Variants in LRP2 observed in about 807,000 individuals in gnomAD.
LRP2 encodes the protein LDL receptor related protein 2.
A neutral mutation model predicts 531.0 loss-of-function variants in LRP2; 172 were observed. The observed-to-expected ratio is 0.32, with a 90% confidence interval of 0.29 to 0.37. The LOEUF is 0.37. Ranked by LOEUF, LRP2 falls within the 10% of genes least tolerant of loss-of-function variation. The pLI is 1.00. For synonymous variants in LRP2, 1,992 were observed against 2,027.6 expected (o/e 0.98, Z 0.47); for missense variants, 5,167 against 5,868.3 (o/e 0.88, Z 3.90).
intron 51 of LRP2, 34 bp from the exon 52 acceptor site, chr2:169,181,652 T>C (rs2105294831): frequency 6.2e-7 from 1 of 1,604,326 alleles, no homozygotes; most frequent in Non-Finnish European, 8.5e-7. Flanking sequence ...CAGTCCCTGA[T>C]GCCAAAAGAA....
chr2:169,170,531 G>A lies in LRP2; in HGVS notation c.11380+20C>T, dbSNP rs1686956907. 2.5e-6 allele frequency: 4 copies of A among 1,580,856 alleles called. No homozygotes were observed. Among genetic ancestry groups the A allele is most frequent in the Non-Finnish European group, 3.5e-6 (4 of 1,149,784 alleles). Reference sequence around the variant, plus strand: ...GTCACAGTACAAAATTCTATGGTAAGCTTCTCAAATGACAGTTACCACAGT... The same window carrying A: ...GTCACAGTACAAAATTCTATGGTAAACTTCTCAAATGACAGTTACCACAGT... On this transcript the variant is annotated intron_variant, in intron 59 of 78. Coordinates refer to ENST00000649046, the MANE Select transcript of LRP2 (RefSeq NM_004525.3).
chr2:169,144,898 A>C (rs1685853249), intron 70 of LRP2, among the ~76,000 whole-genome samples: 1 of 152,186 alleles, frequency 6.6e-6, no homozygotes. Flanking sequence ...CATACTGAAC[A>C]CTGGGCCAAT....
rs1417729994 is a variant in LRP2, at chr2:169,154,503, G to A, written c.12252C>T (p.Ile4084=). 7.4e-6 allele frequency: 12 copies of A among 1,612,578 alleles called. No homozygotes were observed. The highest frequency in any genetic ancestry group is 1.7e-5 in the Admixed American group (1 of 59,942). Residue 4084 remains isoleucine, a synonymous_variant, in exon 66 of 79, where the codon ATC becomes ATT. Transcript: ENST00000649046. The stretch of plus-strand genomic sequence containing the variant: ...GATCCCAATCATAATCAACAGCTTG[G>A]ATATATTCCTCATCTTGAAGATACT... ...FSEYLQDEEY[I]QAVDYDWDPK... is the part of the protein sequence containing the mutation.
intron 1 of LRP2, among the ~76,000 whole-genome samples, chr2:169,334,295 C>A (rs1262054443): frequency 1.3e-5 from 2 of 152,094 alleles, no homozygotes; most frequent in Non-Finnish European, 2.9e-5. Context: ...ACAATAAAAT[C>A]TCTACTAACT....
At chr2:169,319,782 A>T (rs76119507) in intron 2 of LRP2, among the ~76,000 whole-genome samples, 1,784 of 152,304 alleles carry the variant, frequency 0.012, 43 homozygotes, top group African/African-American at 0.041. Flanking sequence ...ACCTCAAAAT[A>T]TGGAATCTAA....
At chr2:169,360,623 G>A (rs1296288878) in intron 1 of LRP2, among the ~76,000 whole-genome samples, 1 of 152,124 alleles carries the variant, frequency 6.6e-6, no homozygotes, top group Admixed American at 6.5e-5. Context: ...AAATCCTATA[G>A]CTATATTTAG....
At position 169,202,616 on chromosome 2, in the gene LRP2, T is replaced by C. The variant is rs544257334; in HGVS notation, c.8209+140A>G. On this transcript the variant is annotated intron_variant, in intron 43 of 78. Coordinates refer to ENST00000649046, the MANE Select transcript of LRP2 (RefSeq NM_004525.3). The stretch of plus-strand genomic sequence containing the variant: ...GATTTAACAGAAACAGTCTGGATTA[T>C]CAGAGGAAACATTTTTCAGCTCTAC... 6.8e-5 allele frequency: 56 copies of C among 828,372 alleles called. No individual in the cohort carries two copies. The African/African-American group carries it at 8.7e-4, about 13-fold the overall frequency. 51.3% of individuals were successfully genotyped at this position (828,372 alleles called of 1,614,324 possible).
Position 169,206,195 on chromosome 2 carries a change from A to G in LRP2, c.7391-7T>C. ...CCATCAGCAGTCCCTATACCTGGAC[A>G]CATACAGGCAGACACACACACAAGC... is the stretch of plus-strand genomic sequence containing the variant. On this transcript the variant is annotated splice_polypyrimidine_tract_variant and splice_region_variant and intron_variant, in intron 39 of 78. Transcript: ENST00000649046. The G allele has an allele frequency of 1.2e-6, 2 of 1,614,202 alleles. No individual in the cohort carries two copies. The highest frequency in any genetic ancestry group is 4.5e-5 in the East Asian group (2 of 44,878).
In LRP2 at chr2:169,206,156, A is replaced by T; in HGVS notation, c.7423T>A (p.Trp2475Arg). 6.2e-7 allele frequency: 1 copy of T among 1,614,260 alleles called. No individual in the cohort carries two copies. Among genetic ancestry groups the T allele is most frequent in the Non-Finnish European group, 8.5e-7 (1 of 1,180,046 alleles). Residue 2475 changes from tryptophan to arginine, a missense_variant, in exon 40 of 79, where the codon TGG (tryptophan) becomes AGG (arginine). This residue lies in a region of LRP2 where 1,129 missense variants were observed against 1,362.7 expected (regional missense o/e 0.83). Coordinates refer to ENST00000649046, the MANE Select transcript of LRP2 (RefSeq NM_004525.3). ...IGTADGIAFDWITRRIYYSDY... is the reference protein window; with the variant it reads ...IGTADGIAFDRITRRIYYSDY... ...CTGTAATAAATTCTTCTAGTAATCC[A>T]GTCAAAGGCAATGCCATCAGCAGTC...
rs755001661 is a variant in LRP2 at position 169,235,822 on chromosome 2, T to C, written c.4920+18A>G. On this transcript the variant is annotated intron_variant, in intron 29 of 78. Transcript: ENST00000649046. ...CACGACTGTAGTTTTAATTTGGTTTTCCTCACCACCAACTTACCAAATCAC... is the reference window on the plus strand; with the variant it reads ...CACGACTGTAGTTTTAATTTGGTTTCCCTCACCACCAACTTACCAAATCAC... 6.3e-7 allele frequency: 1 copy of C among 1,596,284 alleles called. No individual in the cohort carries two copies. Among genetic ancestry groups the C allele is most frequent in the Non-Finnish European group, 8.6e-7 (1 of 1,164,194 alleles).
At chr2:169,165,565 G>A (rs914177203) in intron 62 of LRP2, among the ~76,000 whole-genome samples, 1 of 152,230 alleles carries the variant, frequency 6.6e-6, no homozygotes, top group Non-Finnish European at 1.5e-5. Flanking sequence ...AAGGCTGAAG[G>A]ATGATCAAAT....
chr2:169,228,029 C>T (rs1689263452), intron 31 of LRP2, among the ~76,000 whole-genome samples: 1 of 152,132 alleles, frequency 6.6e-6, no homozygotes, highest in Non-Finnish European at 1.5e-5. Context: ...CAATAAAAAT[C>T]GCTTCTCATT....
intron 1 of LRP2, among the ~76,000 whole-genome samples, chr2:169,335,645 T>C (rs1321986464): frequency 6.6e-6 from 1 of 151,872 alleles, no homozygotes; most frequent in East Asian, 1.9e-4. Flanking sequence ...AGAAATTCTG[T>C]CTCAATAGAA....
At position 169,231,742 on chromosome 2, in the gene LRP2, C is replaced by T; in HGVS notation, c.5199G>A (p.Leu1733=). The T allele has an allele frequency of 6.2e-7, 1 of 1,614,098 alleles. No individual in the cohort carries two copies. The highest frequency in any genetic ancestry group is 8.5e-7 in the Non-Finnish European group (1 of 1,179,976). ...YSCVCPSGWS[L]SPDLLNCLRD... is the part of the protein sequence containing the mutation. ...TCAAGCAATTCAGGAGATCAGGAGA[C>T]AGACTCCATCCTGAAGGACAAACAC... Residue 1733 remains leucine (L), a synonymous_variant, in exon 31 of 79, where the codon CTG becomes CTA. Coordinates refer to ENST00000649046, the MANE Select transcript of LRP2 (RefSeq NM_004525.3).
rs1212701692 is a variant in LRP2, at chr2:169,162,545, C to T, written c.11814G>A (p.Gly3938=). 8 of 1,613,938 alleles carry T rather than the reference C, an allele frequency of 5.0e-6. No homozygotes were observed. The highest frequency in any genetic ancestry group is 5.9e-6 in the Non-Finnish European group (7 of 1,179,774). ...ACACATTGTCATGTGGAATGCAATG[C>T]CCATTGCCACACTTATATTCATATT... ...CTEYEYKCGN[G]HCIPHDNVCD... Residue 3938 remains glycine, a synonymous_variant, in exon 63 of 79, where the codon GGG becomes GGA. Coordinates refer to ENST00000649046, the MANE Select transcript of LRP2 (RefSeq NM_004525.3).
chr2:169,277,874 C>A lies in LRP2; in HGVS notation c.1643G>T (p.Arg548Leu), dbSNP rs761553601. The change falls in exon 13 of 79, where the codon CGT becomes CTT. Residue 548 changes from arginine to leucine, a missense_variant. This residue lies in a region of LRP2 where 2,811 missense variants were observed against 3,058.0 expected (regional missense o/e 0.92). Coordinates refer to ENST00000649046, the MANE Select transcript of LRP2 (RefSeq NM_004525.3). ...LERAFMDGSN[R>L]KDLVKTKLGW... The stretch of plus-strand genomic sequence containing the variant: ...CAGCTTTGTTTTCACCAAGTCTTTA[C>A]GGTTGCTGCCATCCATGAATGCCCT... The A allele has an allele frequency of 4.3e-6, 7 of 1,614,076 alleles. No individual in the cohort carries two copies. In the South Asian group the frequency reaches 7.7e-5, roughly 18 times the overall value.
intron 66 of LRP2, among the ~76,000 whole-genome samples, chr2:169,153,561 T>C (rs1161548087): frequency 6.6e-6 from 1 of 152,210 alleles, no homozygotes; most frequent in African/African-American, 2.4e-5. Context: ...GGTATAGTTA[T>C]TGATAGTTTT....
intron 76 of LRP2, among the ~76,000 whole-genome samples, chr2:169,136,295 T>A (rs1056169947): frequency 9.9e-5 from 15 of 152,002 alleles, no homozygotes; most frequent in African/African-American, 3.6e-4. Flanking sequence ...ACACTGCGCA[T>A]TATCTCTCCA....
At chr2:169,270,687 T>C (rs1683385185) in intron 16 of LRP2, among the ~76,000 whole-genome samples, 2 of 151,392 alleles carry the variant, frequency 1.3e-5, no homozygotes, top group Non-Finnish European at 2.9e-5. Context: ...CACACCAACA[T>C]GGCACATGTA....
Sources: gnomAD v4.1 joint callset for allele counts (sites outside exome capture counted in the v4.1 genomes callset) on GRCh38, gnomAD v4.1.1 for gene constraint, gnomAD v4.1.1 regional missense constraint, MANE v1.5 for transcripts, NCBI Gene and HGNC (gene_info 2026-07-23, HGNC 2026-07-21) for gene names.